The following ROBO2 variants were observed in gnomAD, a reference collection of about 807,000 sequenced individuals.
ROBO2 encodes the protein roundabout homolog 2.
A neutral mutation model predicts 160.8 loss-of-function variants in ROBO2; 53 were observed. That is an observed-to-expected ratio of 0.33 (90% confidence interval 0.26 to 0.41). The LOEUF (loss-of-function observed/expected upper bound fraction) is 0.41, where lower values mean the gene tolerates loss of function less well. ROBO2 is among the 10% of genes least tolerant of loss of function. The probability of loss-of-function intolerance (pLI) is 1.00; values close to 1 mark genes in which losing one functional copy is unlikely to be tolerated. For synonymous variants in ROBO2, 664 were observed against 611.7 expected (o/e 1.09, Z -1.26); for missense variants, 1,577 against 1,722.4 (o/e 0.92, Z 1.49).
chr3:76,960,360 G>A (rs367544239), intron 2 of ROBO2, among the ~76,000 whole-genome samples: 1 of 151,988 alleles, frequency 6.6e-6, no homozygotes, highest in East Asian at 1.9e-4. Context: ...GCTATGGGTT[G>A]TTGATTATTT....
chr3:77,026,725 A>G (rs1228032199), intron 2 of ROBO2, among the ~76,000 whole-genome samples: 1 of 152,244 alleles, frequency 6.6e-6, no homozygotes, highest in Non-Finnish European at 1.5e-5. Context: ...ACTAAAGTTC[A>G]GAAAAGCAAA....
intron 1 of ROBO2, among the ~76,000 whole-genome samples, chr3:75,935,122 C>G (rs2106979403): frequency 6.6e-6 from 1 of 152,202 alleles, no homozygotes; most frequent in African/African-American, 2.4e-5. Context: ...GGATTACATG[C>G]ATGTTAAGTG....
At chr3:76,730,011 C>T (rs2093610507) in intron 2 of ROBO2, among the ~76,000 whole-genome samples, 1 of 152,116 alleles carries the variant, frequency 6.6e-6, no homozygotes, top group African/African-American at 2.4e-5. Context: ...GATTTACTTT[C>T]TTAGTTTGGG....
chr3:76,266,387 T>C (rs753304360), intron 2 of ROBO2, among the ~76,000 whole-genome samples: 7 of 152,116 alleles, frequency 4.6e-5, no homozygotes, highest in Non-Finnish European at 8.8e-5. Flanking sequence ...CAAAGCCACT[T>C]CCACTAATTT....
rs138981924 is a variant in ROBO2, at chr3:77,575,240, C to A, written c.2203+510C>A. Among the ~76,000 whole-genome samples, 270 of 152,180 alleles carry A rather than the reference C, an allele frequency of 1.8e-3. 1 individual carries two copies. Among genetic ancestry groups the A allele is most frequent in the African/African-American group, 6.1e-3 (253 of 41,530 alleles). ...GTTCCCTCGTTCTCCCCACTTTGGACCTTTTCTTACCTAAAGGTATGTTAA... is the reference window on the plus strand; with the variant it reads ...GTTCCCTCGTTCTCCCCACTTTGGAACTTTTCTTACCTAAAGGTATGTTAA... On this transcript the variant is annotated intron_variant, in intron 14 of 25. Coordinates refer to ENST00000461745, the Ensembl canonical transcript of ROBO2.
At chr3:76,801,563 C>G (rs2064196920) in intron 2 of ROBO2, among the ~76,000 whole-genome samples, 1 of 148,294 alleles carries the variant, frequency 6.7e-6, no homozygotes, top group South Asian at 2.1e-4. Flanking sequence ...TATATATACA[C>G]TATGTATCCA....
intron 2 of ROBO2, among the ~76,000 whole-genome samples, chr3:77,183,462 C>T (rs932979281): frequency 2.6e-5 from 4 of 151,898 alleles, no homozygotes; most frequent in African/African-American, 4.8e-5. Flanking sequence ...ACTAATGCAA[C>T]GGGTGCCCTC....
intron 2 of ROBO2, among the ~76,000 whole-genome samples, chr3:76,688,354 G>A (rs1447361209): frequency 6.6e-6 from 1 of 151,892 alleles, no homozygotes; most frequent in African/African-American, 2.4e-5. Context: ...GGTTTGATAA[G>A]TTACACAAGC....
chr3:76,974,296 C>T (rs1225187933), intron 2 of ROBO2, among the ~76,000 whole-genome samples: 1 of 151,840 alleles, frequency 6.6e-6, no homozygotes, highest in Non-Finnish European at 1.5e-5. Context: ...CCTTTTAATC[C>T]CCCCCTTTTT....
intron 1 of ROBO2, among the ~76,000 whole-genome samples, chr3:75,920,343 G>A (rs1416519382): frequency 6.6e-6 from 1 of 152,174 alleles, no homozygotes; most frequent in South Asian, 2.1e-4. Context: ...GCAGTTTTGA[G>A]TGAGTTTCTT....
intron 2 of ROBO2, among the ~76,000 whole-genome samples, chr3:77,324,581 T>C (rs994009096): frequency 6.6e-6 from 1 of 151,864 alleles, no homozygotes; most frequent in Non-Finnish European, 1.5e-5. Context: ...AGATCGAGAC[T>C]ATCCTGGCTA....
intron 2 of ROBO2, among the ~76,000 whole-genome samples, chr3:77,248,554 G>A (rs894261): frequency 0.33 from 49,788 of 152,000 alleles, 8,757 homozygotes; most frequent in East Asian, 0.72. Context: ...CTGTCGCGGG[G>A]CCCACATGGA....
intron 2 of ROBO2, among the ~76,000 whole-genome samples, chr3:76,164,428 CATT>C (rs1385437455): frequency 6.6e-6 from 1 of 152,148 alleles, no homozygotes; most frequent in African/African-American, 2.4e-5. Flanking sequence ...TTAAAGGAAT[CATT>C]ATTTATGGCA....
intron 2 of ROBO2, among the ~76,000 whole-genome samples, chr3:76,160,740 T>G (rs991864414): frequency 2.6e-5 from 4 of 152,150 alleles, no homozygotes; most frequent in African/African-American, 9.7e-5. Context: ...TTTTTCAAAC[T>G]GAGGTCTTAT....
intron 2 of ROBO2, among the ~76,000 whole-genome samples, chr3:76,923,745 C>T (rs890559846): frequency 6.6e-6 from 1 of 152,204 alleles, no homozygotes; most frequent in Non-Finnish European, 1.5e-5. Flanking sequence ...TGCTGACAGC[C>T]TGAAACTGAG....
At chr3:76,002,756 T>C (rs2065923379) in intron 2 of ROBO2, among the ~76,000 whole-genome samples, 1 of 152,076 alleles carries the variant, frequency 6.6e-6, no homozygotes, top group Admixed American at 6.5e-5. Flanking sequence ...CTTCAAGACA[T>C]TAGGAGAGAG....
intron 5 of ROBO2, among the ~76,000 whole-genome samples, chr3:77,499,363 G>T (rs563498321): frequency 6.6e-6 from 1 of 152,076 alleles, no homozygotes; most frequent in African/African-American, 2.4e-5. Flanking sequence ...ATCTTATAGG[G>T]TGAAGAATTA....
intron 2 of ROBO2, among the ~76,000 whole-genome samples, chr3:76,654,772 G>A (rs2109942681): frequency 6.6e-6 from 1 of 151,856 alleles, no homozygotes; most frequent in Non-Finnish European, 1.5e-5. Flanking sequence ...GGTAGTGTTA[G>A]TTCTTGTGCT....
chr3:76,078,253 C>T (rs906788106), intron 2 of ROBO2, among the ~76,000 whole-genome samples: 3 of 152,130 alleles, frequency 2.0e-5, no homozygotes, highest in Admixed American at 6.6e-5. Flanking sequence ...TAACCTATAA[C>T]ATTTTTTCAT....
Sources: gnomAD v4.1 joint callset for allele counts (sites outside exome capture counted in the v4.1 genomes callset) on GRCh38, gnomAD v4.1.1 for gene constraint, MANE v1.5 for transcripts, NCBI Gene and HGNC (gene_info 2026-07-23, HGNC 2026-07-21) for gene names.